The following C10orf90 variants were observed in gnomAD, a reference collection of about 807,000 sequenced individuals.
C10orf90 encodes (E2-independent) E3 ubiquitin-conjugating enzyme FATS.
In C10orf90, 56 loss-of-function variants were observed where a neutral mutation model predicts 62.5. The observed-to-expected ratio is 0.90, with a 90% CI of 0.72 to 1.12. C10orf90 has a LOEUF of 1.12. Among genes scored for constraint, C10orf90 ranks in the 50% most tolerant of loss-of-function variants. The pLI is 0.00. For synonymous variants in C10orf90, 386 were observed against 340.4 expected (o/e 1.13, Z -1.47); for missense variants, 970 against 880.4 (o/e 1.10, Z -1.29).
At chr10:126,662,394 C>G (rs1396774095) in intron 1 of C10orf90, among the ~76,000 whole-genome samples, 1 of 152,156 alleles carries the variant, frequency 6.6e-6, no homozygotes, top group East Asian at 1.9e-4. Context: ...CCAGTTTTCT[C>G]TGTCTGGTCA....
intron 2 of C10orf90, among the ~76,000 whole-genome samples, chr10:126,576,035 T>G (rs1234956814): frequency 6.6e-6 from 1 of 151,808 alleles, no homozygotes; most frequent in Admixed American, 6.6e-5. Flanking sequence ...GAATAAGACC[T>G]CAAGGGTACA....
intron 3 of C10orf90, among the ~76,000 whole-genome samples, chr10:126,507,820 A>G (rs1862847745): frequency 6.6e-6 from 1 of 152,174 alleles, no homozygotes; most frequent in Admixed American, 6.5e-5. Flanking sequence ...CTGTAGCCCC[A>G]ACATTTCTGC....
intron 2 of C10orf90, among the ~76,000 whole-genome samples, chr10:126,534,384 T>A (rs957612600): frequency 6.6e-6 from 1 of 152,196 alleles, no homozygotes; most frequent in Non-Finnish European, 1.5e-5. Context: ...TTCTATGGTG[T>A]CAATGCCTGC....
At chr10:126,649,445 T>G (rs145445330) in intron 1 of C10orf90, among the ~76,000 whole-genome samples, 18 of 152,164 alleles carry the variant, frequency 1.2e-4, no homozygotes, top group Non-Finnish European at 2.4e-4. Context: ...ACACACTCTA[T>G]GAGCTCCCCT....
intron 2 of C10orf90, among the ~76,000 whole-genome samples, chr10:126,571,891 T>G (rs565853425): frequency 6.6e-6 from 1 of 152,222 alleles, no homozygotes; most frequent in East Asian, 1.9e-4. Flanking sequence ...CCTTATACAC[T>G]TCCTGGCAGG....
chr10:126,577,268 T>C (rs959650195), intron 2 of C10orf90, among the ~76,000 whole-genome samples: 1 of 151,962 alleles, frequency 6.6e-6, no homozygotes, highest in Non-Finnish European at 1.5e-5. Context: ...ATATGTACAA[T>C]TATTATTTGT....
Position 126,497,759 on chromosome 10 carries a change from A to G in C10orf90, c.1534+6198T>C, listed in dbSNP as rs562735849. Among the ~76,000 whole-genome samples the G allele has an allele frequency of 2.6e-5, 4 of 152,278 alleles. No individual in the cohort carries two copies. The East Asian group carries it at 7.7e-4, about 29-fold the overall frequency. ...ATAAGGTCTCTGTCCCAACTACTCA[A>G]CTTTGCTGTTGCAGTATGAAAGCAG... On this transcript the variant is annotated intron_variant, in intron 4 of 9. Coordinates refer to ENST00000488181, the MANE Select transcript of C10orf90 (RefSeq NM_001350921.2).
At chr10:126,669,253 C>T (rs913674160) in intron 1 of C10orf90, among the ~76,000 whole-genome samples, 1 of 152,228 alleles carries the variant, frequency 6.6e-6, no homozygotes, top group Non-Finnish European at 1.5e-5. Flanking sequence ...CTTTACATCT[C>T]TGTTGTGAAC....
chr10:126,438,116 A>G (rs1858039266), intron 7 of C10orf90, among the ~76,000 whole-genome samples: 1 of 152,218 alleles, frequency 6.6e-6, no homozygotes, highest in Non-Finnish European at 1.5e-5. Flanking sequence ...ACACGGAGAC[A>G]GCTCCAGGCA....
intron 4 of C10orf90, among the ~76,000 whole-genome samples, chr10:126,467,200 G>A (rs960630142): frequency 6.6e-6 from 1 of 152,214 alleles, no homozygotes; most frequent in Admixed American, 6.5e-5. Context: ...TAAGTCAGAT[G>A]TTCAGGCTGT....
chr10:126,662,987 G>A (rs770075008), intron 1 of C10orf90, among the ~76,000 whole-genome samples: 13 of 152,144 alleles, frequency 8.5e-5, no homozygotes, highest in South Asian at 2.1e-4. Context: ...CTGTGTCCCC[G>A]GCACCTACCA....
chr10:126,660,168 CCT>C (rs1456426360), intron 1 of C10orf90, among the ~76,000 whole-genome samples: 1 of 152,228 alleles, frequency 6.6e-6, no homozygotes, highest in Non-Finnish European at 1.5e-5. Context: ...TACATGTTCC[CCT>C]GTCTTTGATG....
At chr10:126,545,329 T>G (rs374314672) in intron 2 of C10orf90, among the ~76,000 whole-genome samples, 3 of 152,206 alleles carry the variant, frequency 2.0e-5, no homozygotes, top group East Asian at 3.8e-4. Flanking sequence ...TCCTAACCCT[T>G]CTTGGTCAAT....
intron 2 of C10orf90, among the ~76,000 whole-genome samples, chr10:126,643,526 T>C (rs1846106432): frequency 6.6e-6 from 1 of 152,182 alleles, no homozygotes; most frequent in East Asian, 1.9e-4. Flanking sequence ...CTGGAAGTTG[T>C]ACATCTAATA....
chr10:126,536,361 G>A (rs977772096), intron 2 of C10orf90, among the ~76,000 whole-genome samples: 2 of 152,286 alleles, frequency 1.3e-5, no homozygotes, highest in East Asian at 3.9e-4. Context: ...GGAGCTTGGC[G>A]CTGTCCAAGA....
At chr10:126,582,351 C>T (rs545013713) in intron 2 of C10orf90, among the ~76,000 whole-genome samples, 4 of 152,338 alleles carry the variant, frequency 2.6e-5, no homozygotes, top group African/African-American at 9.6e-5. Context: ...CAGTTGCCTT[C>T]TTACTCTGCT....
chr10:126,544,308 T>TTGG (rs1184582801), intron 2 of C10orf90, among the ~76,000 whole-genome samples: 5 of 152,140 alleles, frequency 3.3e-5, no homozygotes, highest in African/African-American at 1.2e-4. Flanking sequence ...GCTGTACCCT[T>TTGG]TGGGTCCTAC....
chr10:126,501,000 T>G (rs1313101410), intron 4 of C10orf90, among the ~76,000 whole-genome samples: 1 of 152,224 alleles, frequency 6.6e-6, no homozygotes, highest in Non-Finnish European at 1.5e-5. Flanking sequence ...TTTGGAATCC[T>G]TCAGATACAA....
At chr10:126,513,100 G>A (rs1003290133) in intron 3 of C10orf90, among the ~76,000 whole-genome samples, 1 of 152,164 alleles carries the variant, frequency 6.6e-6, no homozygotes, top group Non-Finnish European at 1.5e-5. Flanking sequence ...CAGATGCCTT[G>A]TAAACTGTAA....
Sources: gnomAD v4.1 joint callset for allele counts (sites outside exome capture counted in the v4.1 genomes callset) on GRCh38, gnomAD v4.1.1 for gene constraint, MANE v1.5 for transcripts, NCBI Gene and HGNC (gene_info 2026-07-23, HGNC 2026-07-21) for gene names.